The following NBEA variants were observed in gnomAD, a reference collection of about 807,000 sequenced individuals.
The protein encoded by NBEA is lysosomal-trafficking regulator 2.
A neutral mutation model predicts 343.4 loss-of-function variants in NBEA; 44 were observed. That is an observed-to-expected ratio of 0.13 (90% CI 0.10 to 0.16). The LOEUF (loss-of-function observed/expected upper bound fraction) is 0.16. Among genes scored for constraint, NBEA ranks in the 10% least tolerant of loss-of-function variants. The pLI, the probability that NBEA is intolerant of heterozygous loss-of-function variation, is 1.00. For missense variants in NBEA, 2,555 were observed against 3,631.3 expected (o/e 0.70, Z 7.62); for synonymous variants, 1,175 against 1,238.7 (o/e 0.95, Z 1.08).
At chr13:35,472,560 C>T (rs778145302) in intron 41 of NBEA, 24 bp downstream of exon 41, 1 of 1,613,842 alleles carries the variant, frequency 6.2e-7, no homozygotes, top group Admixed American at 1.7e-5. Flanking sequence ...ATTCCATGTA[C>T]AGTATTGGTG....
rs532044396 is a variant in NBEA at position 35,530,360 on chromosome 13, C to A, written c.6586-20117C>A. Among the ~76,000 whole-genome samples the A allele has an allele frequency of 1.6e-3, 246 of 152,296 alleles. 1 individual carries two copies. Among genetic ancestry groups the A allele is most frequent in the African/African-American group, 4.3e-3 (178 of 41,566 alleles). On this transcript the variant is annotated intron_variant, in intron 41 of 58. Transcript: ENST00000379939. Reference sequence around the variant, plus strand: ...GCGGCGGCCTGTCCCCAGTGCTTGTCATTTCCTGACATGCCTGACAGGATG... The same window carrying A: ...GCGGCGGCCTGTCCCCAGTGCTTGTAATTTCCTGACATGCCTGACAGGATG...
intron 18 of NBEA, among the ~76,000 whole-genome samples, chr13:35,155,196 T>C (rs2069082638): frequency 6.6e-6 from 1 of 151,446 alleles, no homozygotes; most frequent in South Asian, 2.1e-4. Flanking sequence ...GAAAAGGCAT[T>C]TCAAACAATA....
intron 24 of NBEA, among the ~76,000 whole-genome samples, chr13:35,164,768 A>G (rs2069860645): frequency 6.6e-6 from 1 of 152,152 alleles, no homozygotes; most frequent in Admixed American, 6.6e-5. Flanking sequence ...AAGATATTGT[A>G]TATCTCTTCA....
intron 36 of NBEA, among the ~76,000 whole-genome samples, chr13:35,346,579 T>C (rs967748943): frequency 3.3e-5 from 5 of 152,148 alleles, no homozygotes; most frequent in African/African-American, 1.2e-4. Context: ...CTTTGTATTC[T>C]TTTAATAATT....
At chr13:35,550,906 CTG>C (rs1176298439) in intron 42 of NBEA, 22 bp from the exon 43 acceptor site, 2 of 1,462,982 alleles carry the variant, frequency 1.4e-6, no homozygotes, top group Admixed American at 1.8e-5. Context: ...TTTCTAAACT[CTG>C]TTTTTTTTCT....
At chr13:35,286,563 T>C (rs2035438344) in intron 34 of NBEA, among the ~76,000 whole-genome samples, 1 of 152,144 alleles carries the variant, frequency 6.6e-6, no homozygotes, top group South Asian at 2.1e-4. Context: ...TAGGGCTCTT[T>C]TAACTTGATA....
intron 32 of NBEA, among the ~76,000 whole-genome samples, chr13:35,209,351 T>C (rs2073612455): frequency 1.3e-5 from 2 of 152,172 alleles, no homozygotes; most frequent in Admixed American, 1.3e-4. Context: ...TGATAAAAAG[T>C]GCATGTGAAT....
In NBEA at chr13:34,946,396, G is replaced by A. The variant is rs142870547; in HGVS notation, c.294+3282G>A. On this transcript the variant is annotated intron_variant, in intron 1 of 58. Coordinates refer to ENST00000379939, the MANE Select transcript of NBEA (RefSeq NM_001385012.1). ...GAAGTAAAAGCTATGTAAGTATCGT[G>A]TTATTGTTGCTTATAACATGGAAGT... Among the ~76,000 whole-genome samples the A allele has an allele frequency of 9.2e-5, 14 of 152,122 alleles. 1 individual carries two copies. The highest frequency in any genetic ancestry group is 9.2e-4 in the Admixed American group (14 of 15,270).
intron 38 of NBEA, among the ~76,000 whole-genome samples, chr13:35,413,434 G>A (rs1043738511): frequency 6.6e-6 from 1 of 151,944 alleles, no homozygotes. Flanking sequence ...TTGTTACTAC[G>A]TATTAAATAA....
chr13:35,645,200 C>T (rs938948408), intron 49 of NBEA, among the ~76,000 whole-genome samples: 6 of 152,320 alleles, frequency 3.9e-5, no homozygotes, highest in African/African-American at 1.4e-4. Context: ...TGTGCTTCTA[C>T]AAGCACCTAG....
chr13:35,576,117 G>A (rs9565378), intron 45 of NBEA, among the ~76,000 whole-genome samples: 1 of 149,960 alleles, frequency 6.7e-6, no homozygotes, highest in African/African-American at 2.5e-5. Flanking sequence ...TTTTGTTTTG[G>A]TTTGGTTTTT....
chr13:35,308,460 A>ATG (rs796871826), intron 35 of NBEA, among the ~76,000 whole-genome samples: 1,496 of 111,250 alleles, frequency 0.013, 54 homozygotes, highest in Non-Finnish European at 0.019. Context: ...ATATATATAT[A>ATG]TATATATATA....
chr13:35,123,068 A>T (rs907459548), intron 16 of NBEA, among the ~76,000 whole-genome samples: 1 of 152,174 alleles, frequency 6.6e-6, no homozygotes, highest in Non-Finnish European at 1.5e-5. Flanking sequence ...GAGGTGGTCG[A>T]ATCGTTTAAA....
intron 33 of NBEA, among the ~76,000 whole-genome samples, chr13:35,221,001 T>A (rs1593806075): frequency 6.6e-6 from 1 of 152,204 alleles, no homozygotes; most frequent in Non-Finnish European, 1.5e-5. Context: ...TCTCAGTTCT[T>A]AATTTCAAGT....
chr13:35,141,852 A>T (rs900775193), intron 17 of NBEA, among the ~76,000 whole-genome samples: 3 of 152,140 alleles, frequency 2.0e-5, no homozygotes, highest in Non-Finnish European at 4.4e-5. Flanking sequence ...TTAGTTCTTG[A>T]TATTAAGGTT....
chr13:35,519,333 A>C (rs1242839084), intron 41 of NBEA, among the ~76,000 whole-genome samples: 1 of 152,132 alleles, frequency 6.6e-6, no homozygotes, highest in Non-Finnish European at 1.5e-5. Context: ...TTCTTTATTC[A>C]ATTTCTTGCA....
At position 35,432,355 on chromosome 13, in the gene NBEA, C is replaced by G. The variant is rs1283628033; in HGVS notation, c.6266C>G (p.Thr2089Ser). ...RRFVRNAFGS[T>S]HAEALLKAAI... ...TTTGTTCGCAATGCATTTGGCTCCA[C>G]TCATGCTGAAGCATTGCTGAAAGCT... The change falls in exon 39 of 59, where the codon ACT becomes AGT. Residue 2089 changes from threonine (T) to serine (S), a missense_variant. Thr to Ser is a moderately conservative substitution (Grantham distance 58). Around this residue, in one of 21 missense-constraint regions of NBEA, gnomAD observed 246 missense variants for 313.7 expected, o/e 0.78. Transcript: ENST00000379939. 1 of 1,609,870 alleles carries G rather than the reference C, an allele frequency of 6.2e-7. No homozygotes were observed. The highest frequency in any genetic ancestry group is 1.1e-5 in the South Asian group (1 of 90,202).
chr13:34,952,232 G>A (rs1299079051), intron 1 of NBEA, among the ~76,000 whole-genome samples: 1 of 152,146 alleles, frequency 6.6e-6, no homozygotes, highest in East Asian at 1.9e-4. Flanking sequence ...GTTGGAAGGG[G>A]AGGGACCAGC....
At chr13:35,644,835 T>A (rs1388039752) in intron 49 of NBEA, among the ~76,000 whole-genome samples, 1 of 152,216 alleles carries the variant, frequency 6.6e-6, no homozygotes, top group East Asian at 1.9e-4. Flanking sequence ...TGTAAATGCA[T>A]CATATGTGAA....
Sources: allele counts gnomAD v4.1 joint callset (sites outside exome capture counted in the v4.1 genomes callset), GRCh38; gene constraint gnomAD v4.1.1; regional missense constraint gnomAD v4.1.1; transcripts MANE v1.5; gene names NCBI Gene and HGNC (gene_info 2026-07-23, HGNC 2026-07-21).